Variants in CACNA2D1 observed in about 807,000 individuals in gnomAD.
CACNA2D1 encodes the protein calcium voltage-gated channel auxiliary subunit alpha2delta 1, also known as voltage-dependent calcium channel subunit alpha-2/delta-1.
In CACNA2D1, 53 loss-of-function variants were observed where a neutral mutation model predicts 171.5. That is an observed-to-expected ratio of 0.31 (90% confidence interval 0.25 to 0.39). The LOEUF (loss-of-function observed/expected upper bound fraction) is 0.39. Among genes scored for constraint, CACNA2D1 ranks in the 10% least tolerant of loss-of-function variants. CACNA2D1 has a pLI of 1.00. For missense variants in CACNA2D1, 903 were observed against 1,299.8 expected (o/e 0.69, Z 4.69); for synonymous variants, 442 against 443.1 (o/e 1.00, Z 0.03).
intron 1 of CACNA2D1, among the ~76,000 whole-genome samples, chr7:82,390,465 G>A (rs889490178): frequency 2.0e-5 from 3 of 152,140 alleles, no homozygotes; most frequent in Non-Finnish European, 4.4e-5. Flanking sequence ...AGTTGAAATA[G>A]GGTTGAAGCT....
chr7:82,071,041 G>A (rs1260734591), intron 7 of CACNA2D1, among the ~76,000 whole-genome samples: 1 of 152,120 alleles, frequency 6.6e-6, no homozygotes, highest in Non-Finnish European at 1.5e-5. Context: ...CTGATGAAAA[G>A]AACAACAACT....
At chr7:82,173,010 A>G (rs956448173) in intron 3 of CACNA2D1, among the ~76,000 whole-genome samples, 28 of 152,010 alleles carry the variant, frequency 1.8e-4, no homozygotes, top group African/African-American at 6.8e-4. Context: ...ACTAGTGAGC[A>G]TTCACCCACA....
intron 3 of CACNA2D1, among the ~76,000 whole-genome samples, chr7:82,302,355 G>A (rs1203937722): frequency 1.3e-5 from 2 of 151,758 alleles, no homozygotes; most frequent in African/African-American, 4.8e-5. Flanking sequence ...CCAATTTGAT[G>A]ATGTGTAATA....
chr7:82,105,350 G>C (rs1787615266), intron 6 of CACNA2D1, among the ~76,000 whole-genome samples: 1 of 143,944 alleles, frequency 6.9e-6, no homozygotes, highest in African/African-American at 2.5e-5. Context: ...TCACAAATGA[G>C]AAAATGTTGG....
intron 7 of CACNA2D1, among the ~76,000 whole-genome samples, chr7:82,076,876 A>G (rs147745846): frequency 6.6e-6 from 1 of 152,016 alleles, no homozygotes; most frequent in Non-Finnish European, 1.5e-5. Context: ...ATCTCCTTAT[A>G]TTTTTATTTT....
At chr7:82,285,160 T>C (rs1350251557) in intron 3 of CACNA2D1, among the ~76,000 whole-genome samples, 1 of 151,964 alleles carries the variant, frequency 6.6e-6, no homozygotes, top group African/African-American at 2.4e-5. Flanking sequence ...GAGCTCCCCT[T>C]GCCCTCCTCC....
At chr7:82,350,261 C>G (rs1819701208) in intron 1 of CACNA2D1, among the ~76,000 whole-genome samples, 1 of 152,122 alleles carries the variant, frequency 6.6e-6, no homozygotes, top group South Asian at 2.1e-4. Context: ...CTCTATATTC[C>G]ATAATATACT....
intron 12 of CACNA2D1, among the ~76,000 whole-genome samples, chr7:82,030,746 G>A (rs952982105): frequency 6.6e-6 from 1 of 151,722 alleles, no homozygotes; most frequent in African/African-American, 2.4e-5. Context: ...TCACAAAATA[G>A]TATACTTAAA....
chr7:82,204,142 C>A (rs1438205921), intron 3 of CACNA2D1, among the ~76,000 whole-genome samples: 1 of 152,214 alleles, frequency 6.6e-6, no homozygotes, highest in African/African-American at 2.4e-5. Flanking sequence ...GCTGCCTGGA[C>A]TGCTGTTGCA....
At chr7:82,414,588 T>A (rs888611280) in intron 1 of CACNA2D1, among the ~76,000 whole-genome samples, 21 of 152,208 alleles carry the variant, frequency 1.4e-4, no homozygotes, top group African/African-American at 4.8e-4. Context: ...GAGCATTCCA[T>A]CCAGGGAGGC....
chr7:82,431,493 C>CCT (rs150823729), intron 1 of CACNA2D1, among the ~76,000 whole-genome samples: 3,116 of 152,144 alleles, frequency 0.02, 105 homozygotes, highest in East Asian at 0.11. Context: ...TTACATGACT[C>CCT]CTCTCTCTCA....
intron 2 of CACNA2D1, among the ~76,000 whole-genome samples, chr7:82,345,451 T>G (rs1563402672): frequency 6.6e-6 from 1 of 152,184 alleles, no homozygotes; most frequent in Non-Finnish European, 1.5e-5. Flanking sequence ...ATTCTAAACA[T>G]ATTTGCAGAT....
At chr7:82,133,229 A>C (rs1437860045) in intron 5 of CACNA2D1, among the ~76,000 whole-genome samples, 8 of 152,180 alleles carry the variant, frequency 5.3e-5, no homozygotes, top group African/African-American at 1.9e-4. Flanking sequence ...GTGTAAAATA[A>C]TATTTTACCC....
rs548515322 is a variant in CACNA2D1, at chr7:81,958,166, A to G, written c.3159+1109T>C. On this transcript the variant is annotated intron_variant, in intron 38 of 38. Coordinates refer to ENST00000356860, the MANE Select transcript of CACNA2D1 (RefSeq NM_000722.4). ...CCCTAGCAAGGATCAATAATCCCTC[A>G]CAGAGATAACTGGGATTGACTGGCT... Among the ~76,000 whole-genome samples, 11 of 152,078 alleles carry G rather than the reference A, an allele frequency of 7.2e-5. No individual in the cohort carries two copies. In the East Asian group the frequency reaches 2.1e-3, roughly 29 times the overall value.
rs777463785 is a variant in CACNA2D1 at position 81,974,518 on chromosome 7, T to A, written c.1990A>T (p.Asn664Tyr). Residue 664 changes from asparagine to tyrosine, a missense_variant, in exon 25 of 39, where the codon AAC becomes TAC. Coordinates refer to ENST00000356860, the MANE Select transcript of CACNA2D1 (RefSeq NM_000722.4). ...YCNDLKISDNNTEFLLNFNEF... is the reference protein window; with the variant it reads ...YCNDLKISDNYTEFLLNFNEF... ...TTGAAATTTAAAAGAAATTCAGTGT[T>A]ATTATCCGATATTTTCAGGTCATTG... 10 of 1,570,576 alleles carry A rather than the reference T, an allele frequency of 6.4e-6. No individual in the cohort carries two copies. Among genetic ancestry groups the A allele is most frequent in the Admixed American group, 1.7e-5 (1 of 59,662 alleles).
chr7:82,364,923 C>T (rs2129447594), intron 1 of CACNA2D1, among the ~76,000 whole-genome samples: 1 of 152,180 alleles, frequency 6.6e-6, no homozygotes, highest in Non-Finnish European at 1.5e-5. Flanking sequence ...TAGAGACATT[C>T]AGGGAGGGCA....
Position 82,406,423 on chromosome 7 carries a change from G to T in CACNA2D1, c.95+36942C>A, listed in dbSNP as rs529983238. On this transcript the variant is annotated intron_variant, in intron 1 of 38. Transcript: ENST00000356860. ...GTATATACCCAGTAATGGGATGGCT[G>T]GGTCAAATGGCATTTCTAGTTCTAG... Among the ~76,000 whole-genome samples the T allele has an allele frequency of 3.7e-3, 558 of 152,266 alleles. 4 individuals are homozygous for T. Among genetic ancestry groups the T allele is most frequent in the African/African-American group, 0.013 (529 of 41,534 alleles).
At chr7:82,011,634 T>C (rs1799786907) in intron 15 of CACNA2D1, among the ~76,000 whole-genome samples, 1 of 152,204 alleles carries the variant, frequency 6.6e-6, no homozygotes, top group African/African-American at 2.4e-5. Flanking sequence ...AAAGATTATA[T>C]TAATACATGA....
chr7:82,386,735 AAAATAAATAAATAAAT>A (rs200338716), intron 1 of CACNA2D1, among the ~76,000 whole-genome samples: 2,353 of 146,262 alleles, frequency 0.016, 36 homozygotes, highest in Middle Eastern at 0.067. Context: ...CTCTGTCTCA[AAAATAAATAAATAAAT>A]AAATAAATAA....
Sources: allele counts gnomAD v4.1 joint callset (sites outside exome capture counted in the v4.1 genomes callset), GRCh38; gene constraint gnomAD v4.1.1; transcripts MANE v1.5; gene names NCBI Gene and HGNC (gene_info 2026-07-23, HGNC 2026-07-21).